ZNF219: variants seen among roughly 807,000 people sequenced by gnomAD.
ZNF219 encodes zinc finger protein 219.
Under a neutral mutation model 54.4 loss-of-function variants are expected in ZNF219, and 17 were observed. The observed-to-expected ratio is 0.31, with a 90% CI of 0.21 to 0.47. The LOEUF is 0.47. Ranked by LOEUF, ZNF219 falls within the 20% of genes least tolerant of loss-of-function variation. The pLI is 1.00. For synonymous variants in ZNF219, 518 were observed against 476.4 expected, an observed-to-expected ratio of 1.09 and a Z score of -1.14; for missense variants, 1,014 against 1,062.3, an observed-to-expected ratio of 0.95 and a Z score of 0.63.
intron 1 of ZNF219, chr14:21,094,328 G>A: frequency 2.2e-6 from 1 of 454,454 alleles, no homozygotes; most frequent in South Asian, 1.6e-5. Context: ...AGAGAGAGTT[G>A]GGGGAGGAGT....
rs1440869802 is a variant in ZNF219 at position 21,093,030 on chromosome 14, G to C, written c.267C>G (p.His89Gln). ...HPGAQAFQCPHCGHRAAQRAL... is the reference protein window; with the variant it reads ...HPGAQAFQCPQCGHRAAQRAL... ...CCCGCTGCGCCGCGCGGTGGCCGCAGTGAGGGCACTGGAAGGCCTGGGCTC... is the reference window on the plus strand; with the variant it reads ...CCCGCTGCGCCGCGCGGTGGCCGCACTGAGGGCACTGGAAGGCCTGGGCTC... The change falls in exon 3 of 5, where the codon CAC becomes CAG. Residue 89 changes from histidine to glutamine, a missense_variant. Transcript: ENST00000360947. 5 of 1,600,106 alleles carry C rather than the reference G, an allele frequency of 3.1e-6. No individual in the cohort carries two copies. Among genetic ancestry groups the C allele is most frequent in the Non-Finnish European group, 4.3e-6 (5 of 1,175,702 alleles).
chr14:21,090,772 G>A lies in ZNF219; in HGVS notation c.1933C>T (p.Leu645Phe), dbSNP rs761296924. The A allele has an allele frequency of 1.5e-4, 241 of 1,602,016 alleles. No individual in the cohort carries two copies. The highest frequency in any genetic ancestry group is 1.9e-4 in the Non-Finnish European group (226 of 1,175,282). The change falls in exon 5 of 5, where the codon CTC becomes TTC. Residue 645 changes from leucine to phenylalanine, a missense_variant. By Grantham distance (22) the Leu-to-Phe change is conservative. Transcript: ENST00000360947. The surrounding 1 kb of genome is among the most constrained non-coding windows in gnomAD (Gnocchi z 4.4). ...PGGEAGPGGA[L>F]HRCLFCPFAT... ...AACGGGCAGAAGAGGCAGCGGTGGA[G>A]GGCACCCCCAGGCCCGGCCTCGCCT... is the stretch of plus-strand genomic sequence containing the variant.
At chr14:21,091,228 CAGA>C (rs1193792982) in intron 4 of ZNF219, 88 bp from the exon 5 acceptor site, 1 of 1,520,416 alleles carries the variant, frequency 6.6e-7, no homozygotes, top group Non-Finnish European at 8.8e-7. Flanking sequence ...ACCTCATTCT[CAGA>C]ACCAAGAAAG....
upstream of ZNF219, chr14:21,103,181 C>T (rs1436106191): frequency 1.9e-6 from 3 of 1,551,534 alleles, no homozygotes; most frequent in Non-Finnish European, 2.6e-6. Flanking sequence ...GGAGAATGGT[C>T]CCACGGTGGC....
chr14:21,092,321 T>C lies in ZNF219; in HGVS notation c.976A>G (p.Ser326Gly), dbSNP rs1345227508. ...GGGGCACGCAGTGGGCCCAGCTTGCTGGCGTGCACCTTCATGTGGTTCTTA... is the reference window on the plus strand; with the variant it reads ...GGGGCACGCAGTGGGCCCAGCTTGCCGGCGTGCACCTTCATGTGGTTCTTA... The part of the protein sequence containing the change: ...FLKNHMKVHA[S>G]KLGPLRAPGP... Residue 326 changes from serine (S) to glycine (G), a missense_variant, in exon 3 of 5, where the codon AGC (serine) becomes GGC (glycine). By Grantham distance (56) the Ser-to-Gly change is moderately conservative. This residue lies in a region of ZNF219 where 272 missense variants were observed against 248.9 expected (regional missense o/e 1.09). Coordinates refer to ENST00000360947, the MANE Select transcript of ZNF219 (RefSeq NM_016423.3). The C allele has an allele frequency of 3.2e-6, 5 of 1,559,546 alleles. No homozygotes were observed. Among genetic ancestry groups the C allele is most frequent in the East Asian group, 4.7e-5 (2 of 42,278 alleles).
chr14:21,103,102 C>T (rs1377394497), upstream of ZNF219: 1 of 1,551,566 alleles, frequency 6.4e-7, no homozygotes, highest in South Asian at 1.2e-5. Context: ...TCCTTTCTCA[C>T]CTCTACAATT....
upstream of ZNF219, chr14:21,102,642 T>G: frequency 1.3e-6 from 2 of 1,551,526 alleles, no homozygotes. Context: ...GCATGCTGGC[T>G]TGCTGGTGCT....
At chr14:21,094,353 A>G in intron 1 of ZNF219, 1 of 455,768 alleles carries the variant, frequency 2.2e-6, no homozygotes, top group Non-Finnish European at 4.4e-6. Flanking sequence ...GTTAAGGGGC[A>G]CAGCTAGCCT....
At position 21,090,896 on chromosome 14, in the gene ZNF219, C is replaced by T. The variant is rs1417896041; in HGVS notation, c.1809G>A (p.Pro603=). The change falls in exon 5 of 5, where the codon CCG becomes CCA. Residue 603 remains proline, a synonymous_variant. Transcript: ENST00000360947. This position sits in a 1 kb window ranked among gnomAD's most constrained non-coding sequence, Gnocchi z 4.4. ...GGCTGGCGGGCTTCCGACGGGACCC[C>T]GGCCCAGCACCGCTAGAAGGAGGCC... ...SPRPPSSGAG[P]GSRRKPASPG... 3 of 1,549,662 alleles carry T rather than the reference C, an allele frequency of 1.9e-6. No individual in the cohort carries two copies. The highest frequency in any genetic ancestry group is 2.6e-6 in the Non-Finnish European group (3 of 1,150,524).
At position 21,091,130 on chromosome 14, in the gene ZNF219, G is replaced by C; in HGVS notation, c.1575C>G (p.Pro525=). 6.3e-7 allele frequency: 1 copy of C among 1,593,928 alleles called. No homozygotes were observed. The highest frequency in any genetic ancestry group is 8.5e-7 in the Non-Finnish European group (1 of 1,174,366). The part of the protein sequence containing the change: ...VHLRVHTGER[P]YKCPHCDYAG... ...CGTAGTCGCAGTGCGGACACTTGTAGGGCCGCTCGCCTGGGGAGAGTGGGT... is the reference window on the plus strand; with the variant it reads ...CGTAGTCGCAGTGCGGACACTTGTACGGCCGCTCGCCTGGGGAGAGTGGGT... The change falls in exon 5 of 5, where the codon CCC becomes CCG. Residue 525 remains proline, a synonymous_variant. Coordinates refer to ENST00000360947, the MANE Select transcript of ZNF219 (RefSeq NM_016423.3).
chr14:21,092,934 C>G lies in ZNF219; in HGVS notation c.363G>C (p.Leu121=), dbSNP rs1166613156. The G allele has an allele frequency of 1.3e-6, 2 of 1,570,566 alleles. No individual in the cohort carries two copies. The highest frequency in any genetic ancestry group is 1.7e-6 in the Non-Finnish European group (2 of 1,159,906). The change falls in exon 3 of 5, where the codon CTG becomes CTC. Residue 121 remains leucine (L), a synonymous_variant. Transcript: ENST00000360947. ...GTAGTAGCGCGCGCTCTTCCAACTCCAGCAACAGGCGTGCAGCAGGACTAC... is the reference window on the plus strand; with the variant it reads ...GTAGTAGCGCGCGCTCTTCCAACTCGAGCAACAGGCGTGCAGCAGGACTAC... ...RPRSPAARLL[L]ELEERALLRE... is the part of the protein sequence containing the mutation.
At chr14:21,094,592 A>C (rs1889176874) in intron 1 of ZNF219, 1 of 354,836 alleles carries the variant, frequency 2.8e-6, no homozygotes. Context: ...GGCCATCTGC[A>C]CAGATAGGGA....
At chr14:21,101,587 G>A (rs1367693348), upstream of ZNF219, 1 of 820,628 alleles carries the variant, frequency 1.2e-6, no homozygotes, top group Non-Finnish European at 1.9e-6. Flanking sequence ...TGGGAGGAGG[G>A]TAGAGGAAAA....
rs1391804643 is a variant in ZNF219 at position 21,093,098 on chromosome 14, G to A, written c.199C>T (p.Arg67Cys). ...TGCAAAGCAAGGATAGAGTTGAAGC[G>A]GAAGCGCTTCCCGCATACAGGGCAG... is the stretch of plus-strand genomic sequence containing the variant. ...FPCPVCGKRF[R>C]FNSILALHLR... The change falls in exon 3 of 5, where the codon CGC (arginine) becomes TGC (cysteine). Residue 67 changes from arginine (R) to cysteine (C), a missense_variant. Physicochemically the swap from Arg to Cys is radical, Grantham distance 180. This residue lies in a region of ZNF219 where 395 missense variants were observed against 415.1 expected (regional missense o/e 0.95). Transcript: ENST00000360947. The A allele has an allele frequency of 1.2e-6, 2 of 1,607,634 alleles. No homozygotes were observed. Among genetic ancestry groups the A allele is most frequent in the Non-Finnish European group, 1.7e-6 (2 of 1,178,300 alleles).
At chr14:21,102,516 G>A (rs1278529654), upstream of ZNF219, 4 of 1,551,774 alleles carry the variant, frequency 2.6e-6, no homozygotes, top group Admixed American at 7.8e-5. Flanking sequence ...CTCCTCCCAG[G>A]TACTGGTCAA....
chr14:21,102,197 G>A, upstream of ZNF219: 1 of 1,480,320 alleles, frequency 6.8e-7, no homozygotes, highest in Non-Finnish European at 9.1e-7. Flanking sequence ...TAGGAAGTAA[G>A]TGGCTAAGTG....
upstream of ZNF219, chr14:21,103,772 C>A (rs1467988298): frequency 6.4e-6 from 1 of 155,358 alleles, no homozygotes; most frequent in East Asian, 1.9e-4. Context: ...GAAGTCGGGG[C>A]CTAGCCTGGC....
At position 21,091,010 on chromosome 14, in the gene ZNF219, C is replaced by CGGTGGCTCCGGG; in HGVS notation, c.1683_1694dup (p.Glu563_Pro566dup). 6.4e-7 allele frequency: 1 copy of CGGTGGCTCCGGG among 1,552,014 alleles called. No individual in the cohort carries two copies. The highest frequency in any genetic ancestry group is 8.7e-7 in the Non-Finnish European group (1 of 1,155,398). Reference sequence around the variant, plus strand: ...GGGCCGAACCCCGCTGGGAAGGAGGCGGTGGCTCCGGGGGTGGCCCGGGGC... The same window carrying CGGTGGCTCCGGG: ...GGGCCGAACCCCGCTGGGAAGGAGGCGGTGGCTCCGGGGGTGGCTCCGGGGGTGGCCCGGGGC... On this transcript the variant is annotated inframe_insertion, in exon 5 of 5. Transcript: ENST00000360947.
chr14:21,096,933 A>G (rs1566553391), intron 1 of ZNF219, among the ~76,000 whole-genome samples: 1 of 152,236 alleles, frequency 6.6e-6, no homozygotes, highest in African/African-American at 2.4e-5. Context: ...TCTGGGGTCC[A>G]GTTGTAACTG....
Sources: gnomAD v4.1 joint callset for allele counts (sites outside exome capture counted in the v4.1 genomes callset) on GRCh38, gnomAD v4.1.1 for gene constraint, gnomAD v4.1.1 regional missense constraint, Gnocchi (gnomAD v3.1) non-coding constraint, MANE v1.5 for transcripts, NCBI Gene and HGNC (gene_info 2026-07-23, HGNC 2026-07-21) for gene names.